ADD3: variants seen among roughly 807,000 people sequenced by gnomAD.
ADD3 encodes the protein adducin 3.
A neutral mutation model predicts 80.2 loss-of-function variants in ADD3; 25 were observed. That is an observed-to-expected ratio of 0.31 (90% CI 0.23 to 0.44). ADD3 has a LOEUF of 0.44. Ranked by LOEUF, ADD3 falls within the 20% of genes least tolerant of loss-of-function variation. The pLI is 1.00. For synonymous variants in ADD3, 284 were observed against 289.6 expected (o/e 0.98, Z 0.20); for missense variants, 829 against 847.5 (o/e 0.98, Z 0.27).
intron 1 of ADD3, among the ~76,000 whole-genome samples, chr10:110,048,443 A>G (rs1363078566): frequency 2.0e-5 from 3 of 152,234 alleles, no homozygotes; most frequent in Non-Finnish European, 4.4e-5. Context: ...GCTCAGAAGA[A>G]GACAGGAAAA....
chr10:110,119,499 C>G lies in ADD3; in HGVS notation c.895C>G (p.Leu299Val), dbSNP rs141823944. The stretch of plus-strand genomic sequence containing the variant: ...ACTCAGGAATCATGGTGTGGTTGCA[C>G]TTGGAGAAACATTAGAGGAGGCTTT... ...LVLRNHGVVA[L>V]GETLEEAFHY... Residue 299 changes from leucine to valine, a missense_variant, in exon 8 of 15, where the codon CTT becomes GTT. Physicochemically the swap from Leu to Val is conservative, Grantham distance 32. Transcript: ENST00000356080. 2.8e-5 allele frequency: 46 copies of G among 1,614,102 alleles called. No homozygotes were observed. The African/African-American group carries it at 5.7e-4, about 20-fold the overall frequency.
Position 110,034,664 on chromosome 10 carries a change from G to A in ADD3, c.-30+26365G>A, listed in dbSNP as rs150192342. Among the ~76,000 whole-genome samples the A allele has an allele frequency of 3.1e-3, 477 of 152,158 alleles. 3 individuals carry two copies. Among genetic ancestry groups the A allele is most frequent in the Admixed American group, 6.0e-3 (91 of 15,288 alleles). ...CTCTAAAGATAAGCAAATTACTTAC[G>A]TATACCAGTCTACTGTTTATATTCT... On this transcript the variant is annotated intron_variant, in intron 1 of 14. Transcript: ENST00000356080.
chr10:110,126,815 G>A (rs1423938273), intron 12 of ADD3, among the ~76,000 whole-genome samples: 4 of 152,130 alleles, frequency 2.6e-5, no homozygotes, highest in African/African-American at 9.7e-5. Flanking sequence ...GAAGTATTGG[G>A]ATTACAGGTA....
At chr10:110,022,149 A>G (rs183435817) in intron 1 of ADD3, among the ~76,000 whole-genome samples, 131 of 152,158 alleles carry the variant, frequency 8.6e-4, no homozygotes, top group African/African-American at 3.0e-3. Context: ...TTTTTTTTTA[A>G]CACTTGATTT....
chr10:110,013,082 GT>G (rs1852519893), intron 1 of ADD3, among the ~76,000 whole-genome samples: 1 of 152,020 alleles, frequency 6.6e-6, no homozygotes, highest in Non-Finnish European at 1.5e-5. Context: ...CAAGGCTACG[GT>G]TTTTTTGGAT....
chr10:110,116,183 G>T (rs1457820480), intron 3 of ADD3, 76 bp from the exon 4 acceptor site: 1 of 1,475,658 alleles, frequency 6.8e-7, no homozygotes, highest in African/African-American at 1.4e-5. Flanking sequence ...CCAGACGCAG[G>T]CTACTTCCTG....
intron 1 of ADD3, among the ~76,000 whole-genome samples, chr10:110,064,874 A>T (rs1843709528): frequency 2.6e-5 from 4 of 152,152 alleles, no homozygotes; most frequent in African/African-American, 9.7e-5. Flanking sequence ...CCTGGGCAAC[A>T]TGGCAAAACC....
intron 1 of ADD3, among the ~76,000 whole-genome samples, chr10:110,065,528 C>G (rs1427743664): frequency 5.3e-5 from 2 of 38,044 alleles, no homozygotes; most frequent in East Asian, 2.3e-3. Context: ...TTCTTAGCCT[C>G]TCTCTCTCCC....
intron 8 of ADD3, among the ~76,000 whole-genome samples, chr10:110,120,058 ATTTTCT>A (rs1480190550): frequency 4.1e-5 from 6 of 147,610 alleles, no homozygotes; most frequent in East Asian, 1.9e-4. Flanking sequence ...AAAGGCCCTA[ATTTTCT>A]TTTTCTTTTT....
intron 1 of ADD3, among the ~76,000 whole-genome samples, chr10:110,023,087 G>A (rs1474122215): frequency 6.6e-6 from 1 of 152,190 alleles, no homozygotes; most frequent in Non-Finnish European, 1.5e-5. Context: ...GATGGAGAGA[G>A]AGTGTGTTGG....
intron 1 of ADD3, among the ~76,000 whole-genome samples, chr10:110,037,601 T>A (rs1322605806): frequency 1.5e-5 from 2 of 130,094 alleles, no homozygotes; most frequent in East Asian, 2.2e-4. Context: ...CAAGACTCAG[T>A]CTCAAAAAAA....
rs993471101 is a variant in ADD3 at position 110,110,981 on chromosome 10, C to T, written c.196-1796C>T. ...CTGCACTCCAATCTGGGCAACAGAG[C>T]GGAAAAAAAAAAAGTTTCCTAGACA... On this transcript the variant is annotated intron_variant, in intron 2 of 14. Coordinates refer to ENST00000356080, the MANE Select transcript of ADD3 (RefSeq NM_016824.5). Among the ~76,000 whole-genome samples the T allele has an allele frequency of 1.4e-4, 21 of 150,604 alleles. 1 individual carries two copies. Among genetic ancestry groups the T allele is most frequent in the South Asian group, 4.2e-4 (2 of 4,770 alleles).
intron 12 of ADD3, among the ~76,000 whole-genome samples, chr10:110,129,338 A>T (rs1303140669): frequency 6.6e-6 from 1 of 151,964 alleles, no homozygotes; most frequent in Admixed American, 6.6e-5. Flanking sequence ...TAGTAGAGGC[A>T]GGGTTTCTCC....
At chr10:110,031,510 C>A (rs1401766321) in intron 1 of ADD3, among the ~76,000 whole-genome samples, 1 of 152,148 alleles carries the variant, frequency 6.6e-6, no homozygotes, top group Non-Finnish European at 1.5e-5. Flanking sequence ...GGTTCTAGAA[C>A]CAGTGTTCTT....
intron 3 of ADD3, among the ~76,000 whole-genome samples, chr10:110,114,934 G>A (rs1590186307): frequency 6.6e-6 from 1 of 151,906 alleles, no homozygotes; most frequent in South Asian, 2.1e-4. Flanking sequence ...TAAAAAATTA[G>A]CCAGGTGTGG....
At chr10:110,005,869 A>G (rs1483009444), upstream of ADD3, 1 of 157,472 alleles carries the variant, frequency 6.4e-6, no homozygotes, top group African/African-American at 2.4e-5. Flanking sequence ...GAGGAAAAAC[A>G]AAACCCATTC....
chr10:110,000,472 C>T (rs1323558470), intron 1 of ADD3, among the ~76,000 whole-genome samples: 2 of 152,174 alleles, frequency 1.3e-5, no homozygotes, highest in East Asian at 1.9e-4. Flanking sequence ...TCCATTCATT[C>T]GACGAGTACT....
intron 1 of ADD3, among the ~76,000 whole-genome samples, chr10:110,048,118 A>G (rs1029352547): frequency 6.6e-6 from 1 of 152,118 alleles, no homozygotes; most frequent in South Asian, 2.1e-4. Flanking sequence ...CTTAAGTCTC[A>G]CGAGATGTGA....
intron 4 of ADD3, 121 bp from the exon 5 acceptor site, chr10:110,117,221 C>A: frequency 1.8e-6 from 1 of 563,630 alleles, no homozygotes; most frequent in Non-Finnish European, 3.1e-6. Flanking sequence ...TTAATTTTTG[C>A]TTTGTTGGTT....
Sources: allele counts gnomAD v4.1 joint callset (sites outside exome capture counted in the v4.1 genomes callset), GRCh38; gene constraint gnomAD v4.1.1; transcripts MANE v1.5; gene names NCBI Gene and HGNC (gene_info 2026-07-23, HGNC 2026-07-21).